MFRP: variants seen among roughly 807,000 people sequenced by gnomAD.
The protein encoded by MFRP is membrane frizzled-related protein.
MFRP carries 74 observed loss-of-function variants against 65.8 expected under a neutral mutation model. That is an observed-to-expected ratio of 1.12 (90% CI 0.93 to 1.36). MFRP has a LOEUF of 1.36. Among genes scored for constraint, MFRP ranks in the 40% most tolerant of loss-of-function variants. MFRP has a pLI of 0.00. For synonymous variants in MFRP, 336 were observed against 288.3 expected, an observed-to-expected ratio of 1.17 and a Z score of -1.68; for missense variants, 838 against 736.0, an observed-to-expected ratio of 1.14 and a Z score of -1.60.
chr11:119,345,775 G>T lies in MFRP; in HGVS notation c.425C>A (p.Ser142Tyr), dbSNP rs145568020. ...GAAGATCTGCCCCCAGTACTCACTG[G>T]ACTGTGGGGAGGGGCTCACGCCTGA... ...QESGVSPSPQ[S>Y]TCGGLLSGPR... Residue 142 changes from serine (S) to tyrosine (Y), a missense_variant and splice_region_variant, in exon 4 of 15, where the codon TCC becomes TAC. Ser to Tyr is a moderately radical substitution (Grantham distance 144, BLOSUM62 -2). Transcript: ENST00000619721. 7.4e-6 allele frequency: 12 copies of T among 1,613,592 alleles called. No homozygotes were observed. In the Admixed American group the frequency reaches 2.0e-4, roughly 27 times the overall value.
At position 119,339,568 on chromosome 11, in the gene MFRP, C is replaced by G. The variant is rs749820882; in HGVS notation, c.*1391G>C. 1.1e-5 allele frequency: 18 copies of G among 1,613,456 alleles called. No individual in the cohort carries two copies. Among genetic ancestry groups the G allele is most frequent in the Non-Finnish European group, 1.4e-5 (17 of 1,180,052 alleles). ...ATTCGCCATTCTTCACCAGATCAAACTGCAGGCTGGCCCGGTAGACGGTGG... is the reference window on the plus strand; with the variant it reads ...ATTCGCCATTCTTCACCAGATCAAAGTGCAGGCTGGCCCGGTAGACGGTGG... On this transcript the variant is annotated 3_prime_UTR_variant, in exon 15 of 15. Coordinates refer to ENST00000619721, the MANE Select transcript of MFRP (RefSeq NM_031433.4). The surrounding 1 kb of genome is among the most constrained non-coding windows in gnomAD (Gnocchi z 5.4).
chr11:119,343,069 C>T (rs1198771704), intron 9 of MFRP, 66 bp from the exon 10 acceptor site: 3 of 1,541,542 alleles, frequency 1.9e-6, no homozygotes, highest in Middle Eastern at 2.2e-4. Flanking sequence ...TGCAGCCTCC[C>T]ACAGGCCTGG....
chr11:119,343,683 G>A, intron 9 of MFRP, 133 bp downstream of exon 9: 1 of 1,139,590 alleles, frequency 8.8e-7, no homozygotes, highest in South Asian at 1.3e-5. Flanking sequence ...TAGGGTGATG[G>A]TGAAGAGACC....
At position 119,344,704 on chromosome 11, in the gene MFRP, C is replaced by T; in HGVS notation, c.826G>A (p.Asp276Asn). Reference sequence around the variant, plus strand: ...TTGGCAAAACCATCACACACTGAGTCAGGTAGCAGGCAGATGAGCTGGTCA... The same window carrying T: ...TTGGCAAAACCATCACACACTGAGTTAGGTAGCAGGCAGATGAGCTGGTCA... Reference protein sequence around the residue: ...RCDQLICLLPDSVCDGFANCA... With the variant: ...RCDQLICLLPNSVCDGFANCA... The change falls in exon 7 of 15, where the codon GAC (aspartate) becomes AAC (asparagine). Residue 276 changes from aspartate (D) to asparagine (N), a missense_variant. Physicochemically the swap from Asp to Asn is conservative, Grantham distance 23 (BLOSUM62 1). Coordinates refer to ENST00000619721, the MANE Select transcript of MFRP (RefSeq NM_031433.4). 6.2e-7 allele frequency: 1 copy of T among 1,614,058 alleles called. No homozygotes were observed. The highest frequency in any genetic ancestry group is 8.5e-7 in the Non-Finnish European group (1 of 1,180,030).
In MFRP at chr11:119,341,543, C is replaced by G. The variant is rs767848584; in HGVS notation, c.*5G>C. 1 of 1,611,324 alleles carries G rather than the reference C, an allele frequency of 6.2e-7. No individual in the cohort carries two copies. The highest frequency in any genetic ancestry group is 2.2e-5 in the East Asian group (1 of 44,874). ...GCAGGAAGAGGGCAGGGGCCGGCTT[C>G]AGGGTCAGGGCTGGGCACAAGCTTC... On this transcript the variant is annotated 3_prime_UTR_variant, in exon 13 of 15. Coordinates refer to ENST00000619721, the MANE Select transcript of MFRP (RefSeq NM_031433.4).
chr11:119,339,529 G>A lies in MFRP; in HGVS notation c.*1430C>T. On this transcript the variant is annotated 3_prime_UTR_variant, in exon 15 of 15. Coordinates refer to ENST00000619721, the MANE Select transcript of MFRP (RefSeq NM_031433.4). This position sits in a 1 kb window ranked among gnomAD's most constrained non-coding sequence, Gnocchi z 5.4. ...TGGGCCACCCCCCGAAAAACTGGAA[G>A]AAAGAGGCAATGGATTCGCCATTCT... The A allele has an allele frequency of 6.2e-7, 1 of 1,613,668 alleles. No homozygotes were observed. The highest frequency in any genetic ancestry group is 2.2e-5 in the East Asian group (1 of 44,840).
rs778838332 is a variant in MFRP at position 119,344,697 on chromosome 11, A to G, written c.833T>C (p.Val278Ala). Residue 278 changes from valine (V) to alanine (A), a missense_variant, in exon 7 of 15, where the codon GTG (valine) becomes GCG (alanine). By Grantham distance (64) the Val-to-Ala change is moderately conservative (BLOSUM62 0). Coordinates refer to ENST00000619721, the MANE Select transcript of MFRP (RefSeq NM_031433.4). The part of the protein sequence containing the change: ...DQLICLLPDS[V>A]CDGFANCADG... ...AGCACAGTTGGCAAAACCATCACAC[A>G]CTGAGTCAGGTAGCAGGCAGATGAG... The G allele has an allele frequency of 1.7e-5, 27 of 1,613,898 alleles. 1 individual carries two copies. The highest frequency in any genetic ancestry group is 2.2e-5 in the South Asian group (2 of 91,080).
At chr11:119,345,061 G>A (rs954241305) in intron 5 of MFRP, 57 bp from the exon 6 acceptor site, 2 of 1,575,528 alleles carry the variant, frequency 1.3e-6, no homozygotes, top group African/African-American at 2.7e-5. Flanking sequence ...CAGCCAGAGA[G>A]GAGCTTGCCT....
chr11:119,339,247 G>C lies in MFRP; in HGVS notation c.*1712C>G. 1 of 1,473,594 alleles carries C rather than the reference G, an allele frequency of 6.8e-7. No homozygotes were observed. The highest frequency in any genetic ancestry group is 9.2e-7 in the Non-Finnish European group (1 of 1,082,420). The allele number at this position is 1,473,594 out of a possible 1,614,324, so 91.3% of individuals were successfully genotyped here. ...CCTAGTCATTCACAATATTCCAGGG[G>C]GGCCAGCCCTCCTGGATGACCTGGT... On this transcript the variant is annotated 3_prime_UTR_variant, in exon 15 of 15. Coordinates refer to ENST00000619721, the MANE Select transcript of MFRP (RefSeq NM_031433.4). The surrounding 1 kb of genome is among the most constrained non-coding windows in gnomAD (Gnocchi z 5.4).
intron 8 of MFRP, among the ~76,000 whole-genome samples, 158 bp downstream of exon 8, chr11:119,344,157 A>G (rs1565294252): frequency 6.6e-6 from 1 of 152,068 alleles, no homozygotes; most frequent in Non-Finnish European, 1.5e-5. Context: ...CTGGGTACAC[A>G]GCAGGCACTT....
rs1245503127 is a variant in MFRP, at chr11:119,344,393, T to C, written c.899-2A>G. The C allele has an allele frequency of 6.2e-7, 1 of 1,613,136 alleles. No individual in the cohort carries two copies. Among genetic ancestry groups the C allele is most frequent in the Non-Finnish European group, 8.5e-7 (1 of 1,179,532 alleles). ...GGCCAGTCAGATTCCCCCCACACCC[T>C]GTAGAGAGGTGGAAGGGCTCATGAG... is the stretch of plus-strand genomic sequence containing the variant. On this transcript the variant is annotated splice_acceptor_variant, in intron 7 of 14. Transcript: ENST00000619721. LOFTEE classifies it high-confidence loss of function.
chr11:119,342,241 C>T lies in MFRP; in HGVS notation c.1388-257G>A, dbSNP rs548046656. 3.9e-5 allele frequency among the ~76,000 whole-genome samples: 6 copies of T among 152,322 alleles called. No individual in the cohort carries two copies. The East Asian group carries it at 9.6e-4, about 24-fold the overall frequency. ...AATCTCAGGGAACATGGGGCACCCG[C>T]GTTTGCAGGGACTGCTTGGGCATCT... On this transcript the variant is annotated intron_variant, in intron 11 of 14. Transcript: ENST00000619721.
chr11:119,345,863 T>TAC lies in MFRP; in HGVS notation c.336_337insGT (p.Thr113ValfsTer25), dbSNP rs1950559773. 1 of 1,613,362 alleles carries TAC rather than the reference T, an allele frequency of 6.2e-7. No homozygotes were observed. The highest frequency in any genetic ancestry group is 1.3e-5 in the African/African-American group (1 of 74,760). ...GTGGTGATGGTGGGGGTGGTGGTGG[T>TAC]CGTGGTAAGGCCTCCGGCAGGCAGT... On this transcript the variant is annotated frameshift_variant, in exon 4 of 15. Coordinates refer to ENST00000619721, the MANE Select transcript of MFRP (RefSeq NM_031433.4). LOFTEE classifies it high-confidence loss of function.
Position 119,339,986 on chromosome 11 carries a change from C to G in MFRP, c.*1111-138G>C, listed in dbSNP as rs564545298. On this transcript the variant is annotated intron_variant, in intron 14 of 14. Coordinates refer to ENST00000619721, the MANE Select transcript of MFRP (RefSeq NM_031433.4). The surrounding 1 kb of genome is among the most constrained non-coding windows in gnomAD (Gnocchi z 5.4). ...GCCTCCTCCCGCACGGGTACCTCCT[C>G]CACCCCTTCCCGCAGGGCAGATCTG... 402 of 1,306,134 alleles carry G rather than the reference C, an allele frequency of 3.1e-4. 2 individuals carry two copies. The South Asian group carries it at 6.0e-3, about 19-fold the overall frequency. The allele number at this position is 1,306,134 out of a possible 1,614,324, so 80.9% of individuals were successfully genotyped here. A position where few individuals can be genotyped will look rare whatever the true frequency, so the allele number is the denominator to read the frequency against.
rs374366726 is a variant in MFRP at position 119,346,430 on chromosome 11, C to T, written c.54+30G>A. The T allele has an allele frequency of 2.2e-5, 36 of 1,613,798 alleles. No homozygotes were observed. The African/African-American group carries it at 3.7e-4, about 17-fold the overall frequency. On this transcript the variant is annotated intron_variant, in intron 1 of 14. Coordinates refer to ENST00000619721, the MANE Select transcript of MFRP (RefSeq NM_031433.4). ...GCAGCAGTGACCACTGGTGCTGGGT[C>T]TTAGGAGCACGATTCTATGTGGTCC...
At chr11:119,344,415 T>C in intron 7 of MFRP, 24 bp from the exon 8 acceptor site, 1 of 1,607,584 alleles carries the variant, frequency 6.2e-7, no homozygotes, top group Non-Finnish European at 8.5e-7. Flanking sequence ...GAAGGGCTCA[T>C]GAGTTTGCTA....
Position 119,345,438 on chromosome 11 carries a change from G to C in MFRP, c.623C>G (p.Pro208Arg), listed in dbSNP as rs768412478. ...LFDRLELSPE[P>R]EGPLLRVCGR... ...GACCTACCTGAGGAGGGGGCCTTCAGGCTCAGGGGAGAGTTCCAAGCGATC... is the reference window on the plus strand; with the variant it reads ...GACCTACCTGAGGAGGGGGCCTTCACGCTCAGGGGAGAGTTCCAAGCGATC... Residue 208 changes from proline to arginine, a missense_variant, in exon 5 of 15, where the codon CCT (proline) becomes CGT (arginine). Transcript: ENST00000619721. 3 of 1,613,966 alleles carry C rather than the reference G, an allele frequency of 1.9e-6. No individual in the cohort carries two copies. The highest frequency in any genetic ancestry group is 2.5e-6 in the Non-Finnish European group (3 of 1,180,032).
At chr11:119,343,261 A>T (rs1217661653) in intron 9 of MFRP, among the ~76,000 whole-genome samples, 1 of 152,260 alleles carries the variant, frequency 6.6e-6, no homozygotes, top group Non-Finnish European at 1.5e-5. Flanking sequence ...CTGTAATCCC[A>T]GCATTTTGGG....
intron 7 of MFRP, 43 bp downstream of exon 7, chr11:119,344,589 A>C: frequency 6.2e-7 from 1 of 1,613,544 alleles, no homozygotes; most frequent in Non-Finnish European, 8.5e-7. Context: ...GCTTGAACCC[A>C]GATCAGACGC....
Sources: gnomAD v4.1 joint callset for allele counts (sites outside exome capture counted in the v4.1 genomes callset) on GRCh38, gnomAD v4.1.1 for gene constraint, Gnocchi (gnomAD v3.1) non-coding constraint, MANE v1.5 for transcripts, NCBI Gene and HGNC (gene_info 2026-07-23, HGNC 2026-07-21) for gene names.